KMT2C: variants seen among roughly 807,000 people sequenced by gnomAD.
KMT2C encodes the protein histone-lysine N-methyltransferase 2C.
Under a neutral mutation model 507.9 loss-of-function variants are expected in KMT2C, and 88 were observed. The ratio of observed to expected loss-of-function variants is 0.17; its 90% confidence interval spans 0.15 to 0.21. The LOEUF (loss-of-function observed/expected upper bound fraction) is 0.21, where lower values mean the gene tolerates loss of function less well. Among genes scored for constraint, KMT2C ranks in the 10% least tolerant of loss-of-function variants. The pLI is 1.00. For synonymous variants in KMT2C, 2,049 were observed against 2,080.8 expected (o/e 0.98, Z 0.42); for missense variants, 4,954 against 5,957.8 (o/e 0.83, Z 5.55).
intron 27 of KMT2C, among the ~76,000 whole-genome samples, chr7:152,197,640 C>A (rs2094004210): frequency 6.6e-6 from 1 of 151,860 alleles, no homozygotes; most frequent in Admixed American, 6.6e-5. Flanking sequence ...TAATGGAATT[C>A]TACTATACAA....
chr7:152,246,041 C>T (rs1162710815), intron 14 of KMT2C, among the ~76,000 whole-genome samples: 4 of 152,138 alleles, frequency 2.6e-5, no homozygotes, highest in Non-Finnish European at 4.4e-5. Context: ...ATTCATGTAA[C>T]AGAATACTGA....
At chr7:152,254,590 A>C (rs2095614794) in intron 9 of KMT2C, among the ~76,000 whole-genome samples, 1 of 152,178 alleles carries the variant, frequency 6.6e-6, no homozygotes, top group African/African-American at 2.4e-5. Flanking sequence ...TAATGTGACC[A>C]ACATAAATAC....
At chr7:152,242,121 G>A (rs1405436536) in intron 14 of KMT2C, among the ~76,000 whole-genome samples, 1 of 152,036 alleles carries the variant, frequency 6.6e-6, no homozygotes, top group African/African-American at 2.4e-5. Context: ...ACTCAGAAAA[G>A]GTTAGCTGCC....
chr7:152,392,608 T>C (rs7810094), intron 1 of KMT2C, among the ~76,000 whole-genome samples: 1,550 of 139,894 alleles, frequency 0.011, 26 homozygotes, highest in African/African-American at 0.04. Context: ...TTGCCTAAAG[T>C]CACATCAGAA....
intron 1 of KMT2C, among the ~76,000 whole-genome samples, chr7:152,383,641 A>G (rs1383288903): frequency 2.6e-5 from 4 of 152,212 alleles, no homozygotes; most frequent in Non-Finnish European, 5.9e-5. Flanking sequence ...ATAGAATGTT[A>G]TGAGCATGAA....
chr7:152,180,177 T>C (rs1587984807), intron 36 of KMT2C, 51 bp from the exon 37 acceptor site: 1 of 1,590,210 alleles, frequency 6.3e-7, no homozygotes, highest in Non-Finnish European at 8.6e-7. Context: ...TTAATGGCTT[T>C]TTAAAGGTTA....
intron 6 of KMT2C, among the ~76,000 whole-genome samples, chr7:152,303,405 AG>A (rs2096588637): frequency 6.6e-6 from 1 of 152,214 alleles, no homozygotes; most frequent in East Asian, 1.9e-4. Context: ...TCTACCCAAG[AG>A]GCCAGCCAGT....
intron 6 of KMT2C, among the ~76,000 whole-genome samples, chr7:152,293,465 A>C (rs2096456705): frequency 6.6e-6 from 1 of 152,228 alleles, no homozygotes; most frequent in African/African-American, 2.4e-5. Context: ...GCAGTATAAA[A>C]TCACTTTGTA....
chr7:152,203,267 C>T (rs1430692369), intron 25 of KMT2C, among the ~76,000 whole-genome samples: 1 of 151,790 alleles, frequency 6.6e-6, no homozygotes, highest in East Asian at 1.9e-4. Flanking sequence ...TAGCATTTTT[C>T]CTATTTTCTT....
intron 9 of KMT2C, among the ~76,000 whole-genome samples, chr7:152,261,402 G>A (rs998163791): frequency 3.3e-5 from 5 of 152,064 alleles, no homozygotes; most frequent in Non-Finnish European, 5.9e-5. Flanking sequence ...ACAACTTGTT[G>A]AATCAACAAG....
chr7:152,413,926 AT>A (rs2097707408), intron 1 of KMT2C, among the ~76,000 whole-genome samples: 1 of 151,410 alleles, frequency 6.6e-6, no homozygotes, highest in Non-Finnish European at 1.5e-5. Flanking sequence ...TAGAAAATGT[AT>A]GAGGCCAGAC....
Position 152,136,066 on chromosome 7 carries a change from A to G in KMT2C, c.*766T>C, listed in dbSNP as rs2089851617. 1.4e-5 allele frequency: 3 copies of G among 218,832 alleles called. No individual in the cohort carries two copies. Among genetic ancestry groups the G allele is most frequent in the African/African-American group, 2.2e-5 (1 of 44,608 alleles). 13.6% of individuals were successfully genotyped at this position (218,832 alleles called of 1,614,324 possible). A position where few individuals can be genotyped will look rare whatever the true frequency, so the allele number is the denominator to read the frequency against. On this transcript the variant is annotated 3_prime_UTR_variant, in exon 59 of 59. Transcript: ENST00000262189. Reference sequence around the variant, plus strand: ...CTGTATTTTTTCTCAAAATATTTACATATCTGTACAAAGTAACAGGGTTTG... The same window carrying G: ...CTGTATTTTTTCTCAAAATATTTACGTATCTGTACAAAGTAACAGGGTTTG...
chr7:152,354,685 G>A (rs1409588080), intron 2 of KMT2C, among the ~76,000 whole-genome samples: 1 of 152,154 alleles, frequency 6.6e-6, no homozygotes, highest in East Asian at 1.9e-4. Flanking sequence ...TCCAAGCAAA[G>A]AAGACAAAAA....
chr7:152,201,485 GCTT>G (rs1451432879), intron 26 of KMT2C, among the ~76,000 whole-genome samples: 2 of 151,904 alleles, frequency 1.3e-5, no homozygotes, highest in East Asian at 3.9e-4. Flanking sequence ...CCTAAAGAAA[GCTT>G]CTTAAATTTA....
At chr7:152,249,148 C>T (rs2095522118) in intron 13 of KMT2C, among the ~76,000 whole-genome samples, 1 of 152,046 alleles carries the variant, frequency 6.6e-6, no homozygotes, top group East Asian at 1.9e-4. Context: ...AATTAAAAGA[C>T]TAATCTCAGG....
At chr7:152,427,948 G>C (rs966882895) in intron 1 of KMT2C, among the ~76,000 whole-genome samples, 3 of 152,044 alleles carry the variant, frequency 2.0e-5, no homozygotes, top group African/African-American at 7.3e-5. Context: ...GCTTTGGCTT[G>C]ATCTCTCACA....
intron 52 of KMT2C, among the ~76,000 whole-genome samples, chr7:152,147,718 A>G (rs896297228): frequency 6.7e-6 from 1 of 149,314 alleles, no homozygotes; most frequent in East Asian, 1.9e-4. Context: ...AAAAAAAAAA[A>G]AAAAAAAAAA....
intron 10 of KMT2C, 149 bp from the exon 11 acceptor site, chr7:152,252,239 T>C: frequency 1.7e-6 from 1 of 602,444 alleles, no homozygotes; most frequent in Non-Finnish European, 2.8e-6. Flanking sequence ...GACAAAGGTT[T>C]TTTAAAGCAC....
At chr7:152,400,693 T>C (rs534811795) in intron 1 of KMT2C, among the ~76,000 whole-genome samples, 1 of 152,340 alleles carries the variant, frequency 6.6e-6, no homozygotes, top group East Asian at 1.9e-4. Context: ...ACTTTATTTC[T>C]CACATATTCT....
Sources: gnomAD v4.1 joint callset for allele counts (sites outside exome capture counted in the v4.1 genomes callset) on GRCh38, gnomAD v4.1.1 for gene constraint, MANE v1.5 for transcripts, NCBI Gene and HGNC (gene_info 2026-07-23, HGNC 2026-07-21) for gene names.